EPHA8: variants seen among roughly 807,000 people sequenced by gnomAD.
EPHA8 encodes EPH receptor A8.
A neutral mutation model predicts 103.6 loss-of-function variants in EPHA8; 58 were observed. That is an observed-to-expected ratio of 0.56 (90% confidence interval 0.45 to 0.70). EPHA8 has a LOEUF of 0.70. EPHA8 is among the 30% of genes least tolerant of loss of function. EPHA8 has a pLI of 0.00. For synonymous variants in EPHA8, 559 were observed against 572.5 expected (o/e 0.98, Z 0.34); for missense variants, 1,304 against 1,395.2 (o/e 0.93, Z 1.04).
rs746428281 is a variant in EPHA8, at chr1:22,593,584, G to C, written c.1501G>C (p.Gly501Arg). ...KAVTTRATVS[G>R]LKPGTRYVFQ... ...CGTCACCACCAGAGCCACCGTCTCC[G>C]GCCTCAAGCCGGGCACCCGCTACGT... Residue 501 changes from glycine to arginine, a missense_variant, in exon 7 of 17, where the codon GGC becomes CGC. Coordinates refer to ENST00000166244, the MANE Select transcript of EPHA8 (RefSeq NM_020526.5). The C allele has an allele frequency of 2.5e-6, 4 of 1,612,132 alleles. No individual in the cohort carries two copies. The highest frequency in any genetic ancestry group is 3.4e-6 in the Non-Finnish European group (4 of 1,179,616).
In EPHA8 at chr1:22,603,522, G is replaced by A. The variant is rs1437511091; in HGVS notation, c.*1781G>A. On this transcript the variant is annotated 3_prime_UTR_variant, in exon 17 of 17. Coordinates refer to ENST00000166244, the MANE Select transcript of EPHA8 (RefSeq NM_020526.5). ...GTGTGGTCCCTCTCAGGGTCCTGGGGATCTGCCTCTCTGTGGTCTCCATCC... is the reference window on the plus strand; with the variant it reads ...GTGTGGTCCCTCTCAGGGTCCTGGGAATCTGCCTCTCTGTGGTCTCCATCC... 1 of 152,338 alleles carries A rather than the reference G, an allele frequency of 6.6e-6. No individual in the cohort carries two copies. Among genetic ancestry groups the A allele is most frequent in the Non-Finnish European group, 1.5e-5 (1 of 68,032 alleles). 9.4% of individuals were successfully genotyped at this position (152,338 alleles called of 1,614,324 possible). A position where few individuals can be genotyped will look rare whatever the true frequency, so the allele number is the denominator to read the frequency against.
chr1:22,567,242 G>T lies in EPHA8; in HGVS notation c.95-2047G>T, dbSNP rs371046575. Reference sequence around the variant, plus strand: ...ACCCCGAGACCTGTGTCTGGGATGCGGGGTGGGGCGGGGGGACCCATACGT... The same window carrying T: ...ACCCCGAGACCTGTGTCTGGGATGCTGGGTGGGGCGGGGGGACCCATACGT... On this transcript the variant is annotated intron_variant, in intron 1 of 16. Transcript: ENST00000166244. This position sits in a 1 kb window ranked among gnomAD's most constrained non-coding sequence, Gnocchi z 4.2. Among the ~76,000 whole-genome samples, 55 of 152,296 alleles carry T rather than the reference G, an allele frequency of 3.6e-4. No individual in the cohort carries two copies. In the South Asian group the frequency reaches 5.8e-3, roughly 16 times the overall value.
chr1:22,582,491 C>CT (rs1204685540), intron 3 of EPHA8, among the ~76,000 whole-genome samples: 6 of 151,368 alleles, frequency 4.0e-5, no homozygotes, highest in Non-Finnish European at 8.8e-5. Context: ...TCACATGGCT[C>CT]TTTAGAGGCC....
At position 22,600,902 on chromosome 1, in the gene EPHA8, T is replaced by A; in HGVS notation, c.2543T>A (p.Ile848Asn). 6.2e-7 allele frequency: 1 copy of A among 1,605,466 alleles called. No individual in the cohort carries two copies. Among genetic ancestry groups the A allele is most frequent in the Non-Finnish European group, 8.5e-7 (1 of 1,175,486 alleles). ...CCCAGCGCTGATCCCCTGCAGGTCATCAGCTCTGTGGAGGAGGGGTACCGC... is the reference window on the plus strand; with the variant it reads ...CCCAGCGCTGATCCCCTGCAGGTCAACAGCTCTGTGGAGGAGGGGTACCGC... ...PYWNMTNRDVISSVEEGYRLP... is the reference protein window; with the variant it reads ...PYWNMTNRDVNSSVEEGYRLP... The change falls in exon 15 of 17, where the codon ATC (isoleucine) becomes AAC (asparagine). Residue 848 changes from isoleucine to asparagine, a missense_variant. Coordinates refer to ENST00000166244, the MANE Select transcript of EPHA8 (RefSeq NM_020526.5).
Position 22,589,443 on chromosome 1 carries a change from C to T in EPHA8, c.1315+237C>T, listed in dbSNP as rs1009219237. On this transcript the variant is annotated intron_variant, in intron 5 of 16. Transcript: ENST00000166244. This position sits in a 1 kb window ranked among gnomAD's most constrained non-coding sequence, Gnocchi z 4.3. ...AAGCTCAGAGGCAGGCTAGTGTGGC[C>T]GTCGAAAGCCTAGGTTCCAGAACTT... 97 of 1,490,518 alleles carry T rather than the reference C, an allele frequency of 6.5e-5. No homozygotes were observed. The African/African-American group carries it at 9.0e-4, about 14-fold the overall frequency. The allele number at this position is 1,490,518 out of a possible 1,614,324, so 92.3% of individuals were successfully genotyped here. A position where few individuals can be genotyped will look rare whatever the true frequency, so the allele number is the denominator to read the frequency against.
In EPHA8 at chr1:22,589,334, C is replaced by G; in HGVS notation, c.1315+128C>G. 1 of 1,604,392 alleles carries G rather than the reference C, an allele frequency of 6.2e-7. No individual in the cohort carries two copies. Among genetic ancestry groups the G allele is most frequent in the South Asian group, 1.1e-5 (1 of 90,578 alleles). ...TTAGGCAAGTGCCTCTCTGGCCCTG[C>G]GCTCCTCACCAGGACCCAGAGCTGG... is the stretch of plus-strand genomic sequence containing the variant. On this transcript the variant is annotated intron_variant, in intron 5 of 16. Coordinates refer to ENST00000166244, the MANE Select transcript of EPHA8 (RefSeq NM_020526.5). The surrounding 1 kb of genome is among the most constrained non-coding windows in gnomAD (Gnocchi z 4.3).
rs559580799 is a variant in EPHA8, at chr1:22,575,753, C to T, written c.160-464C>T. On this transcript the variant is annotated intron_variant, in intron 2 of 16. Transcript: ENST00000166244. Reference sequence around the variant, plus strand: ...TCAACAAGCAGCTGTGCAGGAGAGGCGGCTGAAGGATTTGAAGTGGGGGCA... The same window carrying T: ...TCAACAAGCAGCTGTGCAGGAGAGGTGGCTGAAGGATTTGAAGTGGGGGCA... 2.6e-5 allele frequency among the ~76,000 whole-genome samples: 4 copies of T among 152,166 alleles called. No individual in the cohort carries two copies. In the East Asian group the frequency reaches 7.8e-4, roughly 30 times the overall value.
chr1:22,571,785 C>T (rs570104259), intron 2 of EPHA8, among the ~76,000 whole-genome samples: 3 of 152,284 alleles, frequency 2.0e-5, no homozygotes, highest in East Asian at 3.9e-4. Flanking sequence ...CATGGTGGCT[C>T]ACACCTGTAA....
At position 22,569,190 on chromosome 1, in the gene EPHA8, G is replaced by C; in HGVS notation, c.95-99G>C. On this transcript the variant is annotated intron_variant, in intron 1 of 16. Transcript: ENST00000166244. The surrounding 1 kb of genome is among the most constrained non-coding windows in gnomAD (Gnocchi z 4.5). ...GAGGGACCCGTGTGAGCTGTGTGCT[G>C]GGGGCTGAGTGTGGACCAGTGTAGC... 8.6e-7 allele frequency: 1 copy of C among 1,167,724 alleles called. No individual in the cohort carries two copies. The highest frequency in any genetic ancestry group is 1.3e-6 in the Non-Finnish European group (1 of 784,888). The allele number at this position is 1,167,724 out of a possible 1,614,324, so 72.3% of individuals were successfully genotyped here.
chr1:22,589,036 G>C lies in EPHA8; in HGVS notation c.1145G>C (p.Gly382Ala), dbSNP rs1388058227. Reference protein sequence around the residue: ...ALSRCEACGSGTRFVPQQTSL... With the variant: ...ALSRCEACGSATRFVPQQTSL... ...AGCCGCTGCGAGGCATGTGGGAGCGGCACCCGCTTTGTGCCCCAGCAGACA... is the reference window on the plus strand; with the variant it reads ...AGCCGCTGCGAGGCATGTGGGAGCGCCACCCGCTTTGTGCCCCAGCAGACA... The change falls in exon 5 of 17, where the codon GGC (glycine) becomes GCC (alanine). Residue 382 changes from glycine to alanine, a missense_variant. Coordinates refer to ENST00000166244, the MANE Select transcript of EPHA8 (RefSeq NM_020526.5). This position sits in a 1 kb window ranked among gnomAD's most constrained non-coding sequence, Gnocchi z 4.3. 6 of 1,612,274 alleles carry C rather than the reference G, an allele frequency of 3.7e-6. No homozygotes were observed. The African/African-American group carries it at 8.0e-5, about 22-fold the overall frequency.
At chr1:22,566,948 G>A (rs1640376677) in intron 1 of EPHA8, among the ~76,000 whole-genome samples, 1 of 152,164 alleles carries the variant, frequency 6.6e-6, no homozygotes, top group South Asian at 2.1e-4. Flanking sequence ...AAACAGCCCT[G>A]GAATCCCATA....
intron 2 of EPHA8, among the ~76,000 whole-genome samples, chr1:22,575,401 CT>C (rs567614349): frequency 6.6e-6 from 1 of 152,194 alleles, no homozygotes; most frequent in Non-Finnish European, 1.5e-5. Context: ...AGAGAAATGT[CT>C]GTTCAAGTCC....
chr1:22,566,366 A>C (rs1376199252), intron 1 of EPHA8, among the ~76,000 whole-genome samples: 3 of 152,216 alleles, frequency 2.0e-5, no homozygotes, highest in Non-Finnish European at 2.9e-5. Context: ...GTCTCAGCGA[A>C]ATGGAATGGG....
intron 15 of EPHA8, 27 bp from the exon 16 acceptor site, chr1:22,601,273 C>T: frequency 6.3e-7 from 1 of 1,582,468 alleles, no homozygotes; most frequent in Non-Finnish European, 8.6e-7. Context: ...ACCCTCTGGC[C>T]ACTTACCAAG....
At chr1:22,574,177 C>T (rs1381889126) in intron 2 of EPHA8, among the ~76,000 whole-genome samples, 1 of 151,992 alleles carries the variant, frequency 6.6e-6, no homozygotes, top group East Asian at 1.9e-4. Context: ...GACGGGGTTT[C>T]ACTGTGTTAG....
At chr1:22,583,767 G>T (rs1182968005) in intron 3 of EPHA8, among the ~76,000 whole-genome samples, 1 of 152,210 alleles carries the variant, frequency 6.6e-6, no homozygotes. Context: ...GATAAAGGGG[G>T]TTAGACGAGG....
In EPHA8 at chr1:22,569,505, T is replaced by A. The variant is rs2273099; in HGVS notation, c.159+152T>A. 0.074 allele frequency: 56,280 copies of A among 757,244 alleles called. 2,696 individuals are homozygous for A. Among genetic ancestry groups the A allele is most frequent in the South Asian group, 0.18 (9,528 of 54,154 alleles). The allele number at this position is 757,244 out of a possible 1,614,324, so 46.9% of individuals were successfully genotyped here. ...GGCACACAGCAGTTAGTGCTGCTGA[T>A]CTCTTAACAGTTTAGTGCATACAGA... On this transcript the variant is annotated intron_variant, in intron 2 of 16. Coordinates refer to ENST00000166244, the MANE Select transcript of EPHA8 (RefSeq NM_020526.5). The surrounding 1 kb of genome is among the most constrained non-coding windows in gnomAD (Gnocchi z 4.5).
chr1:22,588,387 C>T (rs1641276651), intron 4 of EPHA8, among the ~76,000 whole-genome samples: 1 of 152,190 alleles, frequency 6.6e-6, no homozygotes. Flanking sequence ...TTGGTGCACA[C>T]AGCCATGGGG....
chr1:22,576,889 G>A lies in EPHA8; in HGVS notation c.823+9G>A, dbSNP rs928786169. On this transcript the variant is annotated intron_variant, in intron 3 of 16. Coordinates refer to ENST00000166244, the MANE Select transcript of EPHA8 (RefSeq NM_020526.5). This position sits in a 1 kb window ranked among gnomAD's most constrained non-coding sequence, Gnocchi z 4.8. ...GCGGGATGCCTGTGTGGGTGAGCGC[G>A]CCATGGCCTGGGCATGGGTCAGCCG... The A allele has an allele frequency of 5.1e-6, 8 of 1,569,996 alleles. No individual in the cohort carries two copies. The highest frequency in any genetic ancestry group is 4.5e-5 in the East Asian group (2 of 44,330).
Sources: gnomAD v4.1 joint callset for allele counts (sites outside exome capture counted in the v4.1 genomes callset) on GRCh38, gnomAD v4.1.1 for gene constraint, Gnocchi (gnomAD v3.1) non-coding constraint, MANE v1.5 for transcripts, NCBI Gene and HGNC (gene_info 2026-07-23, HGNC 2026-07-21) for gene names.